The following ULK4 variants were observed in gnomAD, a reference collection of about 807,000 sequenced individuals.
ULK4 encodes the protein unc-51 like kinase 4.
Under a neutral mutation model 160.6 loss-of-function variants are expected in ULK4, and 133 were observed. That is an observed-to-expected ratio of 0.83 (90% CI 0.72 to 0.96). The LOEUF (loss-of-function observed/expected upper bound fraction) is 0.96. ULK4 is among the 40% of genes least tolerant of loss of function. The pLI, the probability that ULK4 is intolerant of heterozygous loss-of-function variation, is 0.00. For missense variants in ULK4, 1,580 were observed against 1,499.5 expected (o/e 1.05, Z -0.89); for synonymous variants, 534 against 539.8 (o/e 0.99, Z 0.15).
chr3:41,469,673 C>CTCCTTGTGTTCTTGCA (rs1373652978), intron 32 of ULK4, among the ~76,000 whole-genome samples: 4 of 135,876 alleles, frequency 2.9e-5, no homozygotes, highest in Admixed American at 7.6e-5. Context: ...ACTGCACAAA[C>CTCCTTGTGTTCTTGCA]ACCAATGCAA....
rs1380768525 is a variant in ULK4, at chr3:41,602,327, G to GGGAAA, written c.3120+13337_3120+13341dup. Among the ~76,000 whole-genome samples the GGGAAA allele has an allele frequency of 8.5e-4, 101 of 119,308 alleles. 1 individual carries two copies. The highest frequency in any genetic ancestry group is 3.3e-3 in the African/African-American group (97 of 29,456). 78.3% of individuals were successfully genotyped at this position (119,308 alleles called of 152,430 possible). A position where few individuals can be genotyped will look rare whatever the true frequency, so the allele number is the denominator to read the frequency against. On this transcript the variant is annotated intron_variant, in intron 31 of 36. Coordinates refer to ENST00000301831, the MANE Select transcript of ULK4 (RefSeq NM_017886.4). ...AAAGGAAAGGAAAGGAAAGGAGGAA[G>GGGAAA]GGAAAGGAAAGGAGGAAGGGAAAGG...
intron 34 of ULK4, among the ~76,000 whole-genome samples, chr3:41,421,102 G>A: frequency 6.9e-6 from 1 of 145,212 alleles, no homozygotes. Flanking sequence ...AAACAAATAA[G>A]TGAGACCCCA....
intron 35 of ULK4, among the ~76,000 whole-genome samples, chr3:41,308,433 C>T (rs902679476): frequency 3.8e-5 from 5 of 131,296 alleles, no homozygotes; most frequent in Admixed American, 7.5e-5. Context: ...ATAAAAACTA[C>T]AAAAAAAAAA....
intron 30 of ULK4, among the ~76,000 whole-genome samples, chr3:41,625,730 T>C (rs1240944277): frequency 6.6e-6 from 1 of 152,222 alleles, no homozygotes; most frequent in Non-Finnish European, 1.5e-5. Flanking sequence ...TTTTACTACA[T>C]GGGCTTGTTA....
chr3:41,930,907 C>G (rs1210659570), intron 5 of ULK4, among the ~76,000 whole-genome samples: 1 of 152,166 alleles, frequency 6.6e-6, no homozygotes, highest in Non-Finnish European at 1.5e-5. Flanking sequence ...TAGATTGGTT[C>G]AACCATTGCG....
chr3:41,540,235 T>C (rs1351435507), intron 32 of ULK4, among the ~76,000 whole-genome samples: 1 of 151,320 alleles, frequency 6.6e-6, no homozygotes, highest in African/African-American at 2.4e-5. Flanking sequence ...TAGGCCCCAG[T>C]GTGTGATGCG....
intron 32 of ULK4, among the ~76,000 whole-genome samples, chr3:41,505,319 T>C (rs1484220539): frequency 1.3e-5 from 2 of 152,130 alleles, no homozygotes; most frequent in Non-Finnish European, 2.9e-5. Context: ...CCCTAACTAC[T>C]AACATCAAAG....
At chr3:41,709,891 G>A (rs902685996) in intron 25 of ULK4, among the ~76,000 whole-genome samples, 1 of 152,138 alleles carries the variant, frequency 6.6e-6, no homozygotes, top group African/African-American at 2.4e-5. Flanking sequence ...ACAGAGTAGT[G>A]TACGTAACAA....
At chr3:41,560,464 T>C (rs1478702556) in intron 32 of ULK4, among the ~76,000 whole-genome samples, 10 of 152,208 alleles carry the variant, frequency 6.6e-5, no homozygotes, top group African/African-American at 2.4e-4. Flanking sequence ...AGTATGGCCA[T>C]TTTCACAATA....
chr3:41,790,703 A>T, intron 20 of ULK4, among the ~76,000 whole-genome samples: 1 of 152,232 alleles, frequency 6.6e-6, no homozygotes, highest in Admixed American at 6.5e-5. Context: ...TCAGGTGTAG[A>T]AAAAGAAGTA....
intron 16 of ULK4, among the ~76,000 whole-genome samples, chr3:41,892,722 G>C (rs555296326): frequency 6.6e-6 from 1 of 152,314 alleles, no homozygotes; most frequent in Admixed American, 6.5e-5. Flanking sequence ...CTCCCAGATA[G>C]TTATCAAGGA....
chr3:41,520,291 A>G (rs2085889442), intron 32 of ULK4, among the ~76,000 whole-genome samples: 2 of 151,414 alleles, frequency 1.3e-5, no homozygotes, highest in African/African-American at 4.9e-5. Context: ...GGTACCTCAC[A>G]CAAGTAGAAT....
At chr3:41,431,277 G>A (rs1003779360) in intron 34 of ULK4, among the ~76,000 whole-genome samples, 13 of 151,468 alleles carry the variant, frequency 8.6e-5, no homozygotes, top group African/African-American at 2.7e-4. Flanking sequence ...GAACCCGGGG[G>A]GCAGAGGTTG....
intron 30 of ULK4, among the ~76,000 whole-genome samples, chr3:41,643,810 C>A (rs978238587): frequency 3.3e-5 from 5 of 152,198 alleles, no homozygotes; most frequent in Non-Finnish European, 5.9e-5. Context: ...AATATTGATA[C>A]TTCCTACCCA....
chr3:41,605,686 A>G (rs1213191287), intron 31 of ULK4, among the ~76,000 whole-genome samples: 2 of 152,090 alleles, frequency 1.3e-5, no homozygotes, highest in Non-Finnish European at 2.9e-5. Context: ...CCCTCTCTCA[A>G]TGAGTGACAG....
rs186306658 is a variant in ULK4 at position 41,262,208 on chromosome 3, C to T, written c.3679-12634G>A. On this transcript the variant is annotated intron_variant, in intron 35 of 36. Transcript: ENST00000301831. ...AGGGCCGGTGTCCAACTGGGGAAGC[C>T]GGGAGTTGACATTTCCATGAGTAGT... is the stretch of plus-strand genomic sequence containing the variant. Among the ~76,000 whole-genome samples, 514 of 152,276 alleles carry T rather than the reference C, an allele frequency of 3.4e-3. 2 individuals carry two copies. Among genetic ancestry groups the T allele is most frequent in the Non-Finnish European group, 5.7e-3 (388 of 68,018 alleles).
At chr3:41,770,978 C>A (rs7615059) in intron 21 of ULK4, among the ~76,000 whole-genome samples, 10,986 of 152,244 alleles carry the variant, frequency 0.072, 1,254 homozygotes, top group African/African-American at 0.24. Flanking sequence ...TGGCTACAGT[C>A]ATCCACGAAG....
At chr3:41,783,500 C>G (rs572789385) in intron 21 of ULK4, among the ~76,000 whole-genome samples, 1 of 151,264 alleles carries the variant, frequency 6.6e-6, no homozygotes, top group Non-Finnish European at 1.5e-5. Context: ...CATGCCACTA[C>G]GCTCCAGCCT....
intron 35 of ULK4, among the ~76,000 whole-genome samples, chr3:41,370,967 G>A (rs186575335): frequency 4.9e-4 from 75 of 152,238 alleles, no homozygotes; most frequent in African/African-American, 1.8e-3. Context: ...GGGGAGGGGC[G>A]TACACCATTA....
Sources: allele counts gnomAD v4.1 joint callset (sites outside exome capture counted in the v4.1 genomes callset), GRCh38; gene constraint gnomAD v4.1.1; transcripts MANE v1.5; gene names NCBI Gene and HGNC (gene_info 2026-07-23, HGNC 2026-07-21).